Variants in ZFP64 observed in about 807,000 individuals in gnomAD.
ZFP64 encodes the protein zinc finger protein 64.
Under a neutral mutation model 51.6 loss-of-function variants are expected in ZFP64, and 14 were observed. The observed-to-expected ratio is 0.27, with a 90% CI of 0.18 to 0.42. ZFP64 has a LOEUF of 0.42. Among genes scored for constraint, ZFP64 ranks in the 10% least tolerant of loss-of-function variants. ZFP64 has a pLI of 1.00. For synonymous variants in ZFP64, 375 were observed against 361.4 expected, an observed-to-expected ratio of 1.04 and a Z score of -0.43; for missense variants, 754 against 906.8, an observed-to-expected ratio of 0.83 and a Z score of 2.16.
At chr20:52,098,629 C>A (rs372371236) in intron 5 of ZFP64, 10 of 1,612,650 alleles carry the variant, frequency 6.2e-6, no homozygotes, top group Non-Finnish European at 7.6e-6. Flanking sequence ...TCATTTATAA[C>A]CACCATGCTA....
intron 4 of ZFP64, among the ~76,000 whole-genome samples, chr20:52,161,636 A>C (rs907457803): frequency 6.6e-6 from 1 of 152,134 alleles, no homozygotes; most frequent in Non-Finnish European, 1.5e-5. Flanking sequence ...TTGGCCATGA[A>C]AAAGAGTAAG....
chr20:52,124,192 T>TAAAAAAAAAAAAAAAAAAAAAA, intron 5 of ZFP64, among the ~76,000 whole-genome samples: 1 of 114,054 alleles, frequency 8.8e-6, no homozygotes, highest in Non-Finnish European at 1.8e-5. Context: ...TTGTTAAATG[T>TAAAAAAAAAAAAAAAAAAAAAA]AAAAAAAAAA....
chr20:52,103,446 T>C (rs1600707813), intron 5 of ZFP64, among the ~76,000 whole-genome samples: 2 of 151,660 alleles, frequency 1.3e-5, no homozygotes, highest in Non-Finnish European at 2.9e-5. Context: ...GTGGCTGGGG[T>C]TGAGGCACAC....
intron 2 of ZFP64, among the ~76,000 whole-genome samples, chr20:52,183,915 T>TGGCACTCTAACTGCAGC (rs1308881474): frequency 3.3e-5 from 5 of 152,176 alleles, no homozygotes; most frequent in African/African-American, 9.6e-5. Flanking sequence ...GGGAGTGCAG[T>TGGCACTCTAACTGCAGC]GGCACTCTCA....
At chr20:52,141,754 C>T (rs191446401) in intron 5 of ZFP64, among the ~76,000 whole-genome samples, 6 of 152,242 alleles carry the variant, frequency 3.9e-5, no homozygotes, top group Admixed American at 3.3e-4. Flanking sequence ...TATTACATAG[C>T]CTTAGTTGAT....
chr20:52,191,037 G>C lies in ZFP64; in HGVS notation c.46+554C>G, dbSNP rs1984331981. On this transcript the variant is annotated intron_variant, in intron 1 of 5. Transcript: ENST00000216923. The surrounding 1 kb of genome is among the most constrained non-coding windows in gnomAD (Gnocchi z 4.3). ...CTTGAAAAACGCTGATGTCCTCCTC[G>C]GTTAAATAAAAACTGAACCCCAAAC... is the stretch of plus-strand genomic sequence containing the variant. Among the ~76,000 whole-genome samples the C allele has an allele frequency of 6.6e-6, 1 of 152,052 alleles. No individual in the cohort carries two copies. Among genetic ancestry groups the C allele is most frequent in the Non-Finnish European group, 1.5e-5 (1 of 67,996 alleles).
chr20:52,084,768 G>C (rs1007404483), exon 9 of ZFP64: 6 of 1,614,108 alleles, frequency 3.7e-6, no homozygotes, highest in Non-Finnish European at 5.1e-6. Flanking sequence ...GGCCCTCTGC[G>C]TCACGATCTT....
intron 5 of ZFP64, chr20:52,105,288 C>T (rs1366777809): frequency 7.9e-7 from 1 of 1,273,486 alleles, no homozygotes; most frequent in Non-Finnish European, 9.9e-7. Flanking sequence ...CTACTTCACA[C>T]AACGAATTCC....
intron 1 of ZFP64, 26 bp from the exon 2 acceptor site, chr20:52,187,097 G>A (rs750853341): frequency 2.0e-5 from 31 of 1,586,646 alleles, no homozygotes; most frequent in East Asian, 1.8e-4. Flanking sequence ...GGAAAGTAAC[G>A]GATTAATTCC....
rs973000577 is a variant in ZFP64, at chr20:52,122,399, C to T, written c.764-23812G>A. The stretch of plus-strand genomic sequence containing the variant: ...CCGGCGCCTGTAGTCCCAGCTACTC[C>T]GGAGGCTGAGGCAGGAGAATGGCGT... On this transcript the variant is annotated intron_variant, in intron 5 of 8. Coordinates refer to the ZFP64 transcript ENST00000361387. Among the ~76,000 whole-genome samples the T allele has an allele frequency of 5.3e-5, 8 of 150,444 alleles. 1 individual carries two copies. The Middle Eastern group carries it at 0.01, about 197-fold the overall frequency.
chr20:52,177,786 A>G (rs1983338859), intron 2 of ZFP64, among the ~76,000 whole-genome samples: 1 of 152,156 alleles, frequency 6.6e-6, no homozygotes, highest in African/African-American at 2.4e-5. Flanking sequence ...TAATCCCAAC[A>G]CTTTGGGAGG....
rs1486929365 is a variant in ZFP64, at chr20:52,143,024, G to T, written c.763+17099C>A. ...GCAAAATGACTGCAACTTGCTGAAG[G>T]CTCATATGATTGTCAGCATTTTTTT... is the stretch of plus-strand genomic sequence containing the variant. On this transcript the variant is annotated intron_variant, in intron 5 of 8. Coordinates refer to the ZFP64 transcript ENST00000361387. Among the ~76,000 whole-genome samples, 11 of 142,114 alleles carry T rather than the reference G, an allele frequency of 7.7e-5. 2 individuals are homozygous for T. Among genetic ancestry groups the T allele is most frequent in the African/African-American group, 2.3e-4 (9 of 39,902 alleles). 93.2% of individuals were successfully genotyped at this position (142,114 alleles called of 152,430 possible). A position where few individuals can be genotyped will look rare whatever the true frequency, so the allele number is the denominator to read the frequency against.
chr20:52,101,404 C>T (rs1191471496), intron 5 of ZFP64, among the ~76,000 whole-genome samples: 1 of 152,034 alleles, frequency 6.6e-6, no homozygotes, highest in African/African-American at 2.4e-5. Flanking sequence ...CAAGGTCTCG[C>T]TGTCACCCAG....
intron 1 of ZFP64, 29 bp from the exon 2 acceptor site, chr20:52,187,100 T>G (rs758671436): frequency 1.3e-6 from 2 of 1,586,270 alleles, no homozygotes; most frequent in African/African-American, 1.3e-5. Flanking sequence ...AAGTAACGGA[T>G]TAATTCCAAA....
At chr20:52,086,478 ATTTT>A (rs11476509) in intron 8 of ZFP64, among the ~76,000 whole-genome samples, 16 of 142,556 alleles carry the variant, frequency 1.1e-4, no homozygotes, top group East Asian at 6.1e-4. Context: ...TTCACAAGGA[ATTTT>A]TTTTTTTTTT....
Position 52,110,745 on chromosome 20 carries a change from T to G in ZFP64, c.764-12158A>C, listed in dbSNP as rs1162732836. On this transcript the variant is annotated intron_variant, in intron 5 of 8. Transcript: ENST00000361387. Reference sequence around the variant, plus strand: ...CCTTAACTGCCCCAGTACATGGGACTGGGTTCTCAAAGTCCCCCTCCCGGG... The same window carrying G: ...CCTTAACTGCCCCAGTACATGGGACGGGGTTCTCAAAGTCCCCCTCCCGGG... The G allele has an allele frequency of 6.9e-6, 11 of 1,599,390 alleles. No individual in the cohort carries two copies. In the East Asian group the frequency reaches 1.6e-4, roughly 23 times the overall value.
At chr20:52,128,215 G>A (rs1451210933) in intron 5 of ZFP64, among the ~76,000 whole-genome samples, 2 of 152,196 alleles carry the variant, frequency 1.3e-5, no homozygotes, top group East Asian at 1.9e-4. Context: ...AAGGCAGGAG[G>A]ATTGTTTGAG....
chr20:52,141,469 T>C (rs1980250889), intron 5 of ZFP64, among the ~76,000 whole-genome samples: 2 of 152,124 alleles, frequency 1.3e-5, no homozygotes, highest in Non-Finnish European at 1.5e-5. Context: ...TAGCAGGAGT[T>C]TGTAAGAAGT....
Position 52,160,006 on chromosome 20 carries a change from G to A in ZFP64, c.763+117C>T, listed in dbSNP as rs895038969. The A allele has an allele frequency of 2.9e-5, 44 of 1,525,578 alleles. No homozygotes were observed. The highest frequency in any genetic ancestry group is 2.4e-4 in the Admixed American group (12 of 49,460). 94.5% of individuals were successfully genotyped at this position (1,525,578 alleles called of 1,614,324 possible). A position where few individuals can be genotyped will look rare whatever the true frequency, so the allele number is the denominator to read the frequency against. On this transcript the variant is annotated intron_variant, in intron 5 of 5. Coordinates refer to ENST00000216923, the MANE Select transcript of ZFP64 (RefSeq NM_018197.3). The surrounding 1 kb of genome is among the most constrained non-coding windows in gnomAD (Gnocchi z 4.2). The stretch of plus-strand genomic sequence containing the variant: ...AAAAAAAAACAAAACTGCAAACAAC[G>A]GGATGAGCAAAGGTTCCAACTCGAT...
Sources: allele counts gnomAD v4.1 joint callset (sites outside exome capture counted in the v4.1 genomes callset), GRCh38; gene constraint gnomAD v4.1.1; non-coding constraint Gnocchi (gnomAD v3.1); transcripts MANE v1.5; gene names NCBI Gene and HGNC (gene_info 2026-07-23, HGNC 2026-07-21).